CFAP53: variants seen among roughly 807,000 people sequenced by gnomAD.
The protein encoded by CFAP53 is cilia- and flagella-associated protein 53.
CFAP53 carries 62 observed loss-of-function variants against 59.7 expected under a neutral mutation model. The observed-to-expected ratio is 1.04, with a 90% CI of 0.85 to 1.28. The LOEUF (loss-of-function observed/expected upper bound fraction) is 1.28. CFAP53 is among the 50% of genes most tolerant of loss of function. The pLI, the probability that CFAP53 is intolerant of heterozygous loss-of-function variation, is 0.00. For missense variants in CFAP53, 629 were observed against 615.6 expected (o/e 1.02, Z -0.23); for synonymous variants, 218 against 205.7 (o/e 1.06, Z -0.51).
chr18:50,264,085 T>G lies in CFAP53; in HGVS notation c.70-1866A>C, dbSNP rs557817457. ...AAAAAGTAAAAAGAAACAGGGGAAG[T>G]TAATTTTGATAGTATATTTTATTTA... On this transcript the variant is annotated intron_variant, in intron 1 of 7. Transcript: ENST00000398545. Among the ~76,000 whole-genome samples, 59 of 152,236 alleles carry G rather than the reference T, an allele frequency of 3.9e-4. 1 individual carries two copies. In the Middle Eastern group the frequency reaches 0.017, roughly 44 times the overall value.
At chr18:50,229,446 T>A (rs2033558246) in intron 7 of CFAP53, among the ~76,000 whole-genome samples, 1 of 152,222 alleles carries the variant, frequency 6.6e-6, no homozygotes, top group African/African-American at 2.4e-5. Context: ...AAATATTCCA[T>A]CATAAATATA....
At chr18:50,230,000 C>T (rs183645487) in intron 7 of CFAP53, among the ~76,000 whole-genome samples, 4 of 152,228 alleles carry the variant, frequency 2.6e-5, no homozygotes, top group African/African-American at 9.6e-5. Context: ...TCAAGAGATC[C>T]ACTCACCTTG....
At position 50,251,569 on chromosome 18, in the gene CFAP53, G is replaced by A. The variant is rs780210673; in HGVS notation, c.689C>T (p.Thr230Ile). ...ARRQKELMEN[T>I]RLGLNAQITS... ...GATCTGGGCATTCAGCCCCAGGCGT[G>A]TGTTCTCCATCAGCTCTTTCTGTCT... The change falls in exon 4 of 8, where the codon ACA becomes ATA. Residue 230 changes from threonine to isoleucine, a missense_variant. Transcript: ENST00000398545. The A allele has an allele frequency of 2.2e-5, 35 of 1,614,084 alleles. No individual in the cohort carries two copies. The highest frequency in any genetic ancestry group is 3.3e-4 in the Middle Eastern group (2 of 6,084).
intron 5 of CFAP53, among the ~76,000 whole-genome samples, chr18:50,244,414 A>C (rs866412249): frequency 6.6e-6 from 1 of 152,118 alleles, no homozygotes; most frequent in Admixed American, 6.6e-5. Context: ...CTGTGATTTT[A>C]AGTTTCCTGA....
chr18:50,246,586 C>G (rs1357008681), intron 5 of CFAP53, among the ~76,000 whole-genome samples: 1 of 152,036 alleles, frequency 6.6e-6, no homozygotes, highest in Non-Finnish European at 1.5e-5. Flanking sequence ...GATAGGACCC[C>G]TAAAGCATAA....
At position 50,261,252 on chromosome 18, in the gene CFAP53, C is replaced by CAAAAAAAAA. The variant is rs71169499; in HGVS notation, c.300-24_300-16dup. 14 of 1,215,710 alleles carry CAAAAAAAAA rather than the reference C, an allele frequency of 1.2e-5. No homozygotes were observed. Among genetic ancestry groups the CAAAAAAAAA allele is most frequent in the African/African-American group, 9.5e-5 (5 of 52,600 alleles). 75.3% of individuals were successfully genotyped at this position (1,215,710 alleles called of 1,614,324 possible). On this transcript the variant is annotated splice_polypyrimidine_tract_variant and intron_variant, in intron 2 of 7. Coordinates refer to ENST00000398545, the MANE Select transcript of CFAP53 (RefSeq NM_145020.5). ...GCTCACGTAGCCTGAAACAAAAAGC[C>CAAAAAAAAA]AAAAAAAAAAAAAAAAAAAGAAAAC...
At chr18:50,265,134 G>GC (rs1555673195) in intron 1 of CFAP53, among the ~76,000 whole-genome samples, 41 of 151,640 alleles carry the variant, frequency 2.7e-4, no homozygotes, top group Admixed American at 1.8e-3. Context: ...TTCTACCTAA[G>GC]TTTTTTTTTG....
At chr18:50,254,001 G>A (rs1341852916) in intron 3 of CFAP53, among the ~76,000 whole-genome samples, 1 of 151,938 alleles carries the variant, frequency 6.6e-6, no homozygotes, top group East Asian at 1.9e-4. Context: ...TGTACCAAAA[G>A]CACAATCCAT....
At chr18:50,235,904 A>G (rs541430869) in intron 7 of CFAP53, among the ~76,000 whole-genome samples, 1 of 152,332 alleles carries the variant, frequency 6.6e-6, no homozygotes, top group Non-Finnish European at 1.5e-5. Context: ...GGAAGATGAG[A>G]CCTTCATCCA....
At chr18:50,243,323 C>CTT (rs765742517) in intron 5 of CFAP53, among the ~76,000 whole-genome samples, 6 of 152,084 alleles carry the variant, frequency 3.9e-5, no homozygotes, top group Admixed American at 6.6e-5. Flanking sequence ...CAAGAATGGC[C>CTT]ATCAGTTGAT....
intron 5 of CFAP53, among the ~76,000 whole-genome samples, chr18:50,247,643 T>C (rs767186559): frequency 7.9e-5 from 12 of 152,164 alleles, no homozygotes; most frequent in Admixed American, 3.3e-4. Context: ...ACAAATAAAA[T>C]AGTGATTCAT....
chr18:50,246,416 A>T (rs2033745545), intron 5 of CFAP53, among the ~76,000 whole-genome samples: 1 of 152,228 alleles, frequency 6.6e-6, no homozygotes, highest in Non-Finnish European at 1.5e-5. Flanking sequence ...GAATAACTGG[A>T]TATCCACATG....
chr18:50,229,477 T>C (rs2033558566), intron 7 of CFAP53, among the ~76,000 whole-genome samples: 1 of 152,218 alleles, frequency 6.6e-6, no homozygotes, highest in African/African-American at 2.4e-5. Context: ...TGTTTATCTA[T>C]TCATTTCATT....
At chr18:50,230,829 G>C (rs1342070925) in intron 7 of CFAP53, among the ~76,000 whole-genome samples, 1 of 152,180 alleles carries the variant, frequency 6.6e-6, no homozygotes, top group East Asian at 1.9e-4. Flanking sequence ...ACTTTTATCA[G>C]AAATAAAGAT....
At chr18:50,259,331 T>C (rs1305021749) in intron 3 of CFAP53, among the ~76,000 whole-genome samples, 1 of 152,156 alleles carries the variant, frequency 6.6e-6, no homozygotes, top group African/African-American at 2.4e-5. Flanking sequence ...GTCATTATGT[T>C]AAGTGAAATA....
chr18:50,227,367 T>A lies in CFAP53; in HGVS notation c.*14A>T, dbSNP rs1310025814. On this transcript the variant is annotated 3_prime_UTR_variant, in exon 8 of 8. Transcript: ENST00000398545. ...ATTAAAAGACCAAGAAAAGATATAT[T>A]GATGCTCACGGAACTACGGTGGAAG... 3 of 1,596,360 alleles carry A rather than the reference T, an allele frequency of 1.9e-6. No homozygotes were observed. Among genetic ancestry groups the A allele is most frequent in the African/African-American group, 2.7e-5 (2 of 74,608 alleles).
chr18:50,233,173 TG>T (rs1308637644), intron 7 of CFAP53, among the ~76,000 whole-genome samples: 2 of 152,174 alleles, frequency 1.3e-5, no homozygotes, highest in African/African-American at 4.8e-5. Context: ...TCATTCTTTG[TG>T]GTCTAATTAG....
chr18:50,246,214 A>T (rs2033742604), intron 5 of CFAP53, among the ~76,000 whole-genome samples: 1 of 152,146 alleles, frequency 6.6e-6, no homozygotes, highest in Non-Finnish European at 1.5e-5. Context: ...CTGATTTCAA[A>T]CTTACTACAA....
At position 50,262,211 on chromosome 18, in the gene CFAP53, C is replaced by T. The variant is rs760712539; in HGVS notation, c.78G>A (p.Lys26=). The T allele has an allele frequency of 1.9e-5, 30 of 1,612,000 alleles. No homozygotes were observed. In the African/African-American group the frequency reaches 2.4e-4, roughly 13 times the overall value. Residue 26 remains lysine (K), a synonymous_variant, in exon 2 of 8, where the codon AAG becomes AAA. Coordinates refer to ENST00000398545, the MANE Select transcript of CFAP53 (RefSeq NM_145020.5). Reference sequence around the variant, plus strand: ...GCTCAGCTCCTTGGCCTTTAGGAGGCTTGGATCTCTGAAAACAAAAACCAA... The same window carrying T: ...GCTCAGCTCCTTGGCCTTTAGGAGGTTTGGATCTCTGAAAACAAAAACCAA... The part of the protein sequence containing the change: ...PTPKVVIVRS[K]PPKGQGAEHH...
Sources: allele counts gnomAD v4.1 joint callset (sites outside exome capture counted in the v4.1 genomes callset), GRCh38; gene constraint gnomAD v4.1.1; transcripts MANE v1.5; gene names NCBI Gene and HGNC (gene_info 2026-07-23, HGNC 2026-07-21).